Variants in CTNNA3 observed in about 807,000 individuals in gnomAD.
The protein encoded by CTNNA3 is catenin alpha-3.
A neutral mutation model predicts 95.7 loss-of-function variants in CTNNA3; 76 were observed. The ratio of observed to expected loss-of-function variants is 0.79; its 90% confidence interval spans 0.66 to 0.96. The LOEUF (loss-of-function observed/expected upper bound fraction) is 0.96, where lower values mean the gene tolerates loss of function less well. CTNNA3 is among the 40% of genes least tolerant of loss of function. The pLI is 0.00. For missense variants in CTNNA3, 1,191 were observed against 1,089.8 expected (o/e 1.09, Z -1.31); for synonymous variants, 431 against 374.4 (o/e 1.15, Z -1.74).
At chr10:67,728,640 T>G (rs1174051677) in intron 1 of CTNNA3, among the ~76,000 whole-genome samples, 1 of 151,864 alleles carries the variant, frequency 6.6e-6, no homozygotes, top group African/African-American at 2.4e-5. Flanking sequence ...CACTTAATTA[T>G]TATGTATATG....
At chr10:66,196,547 C>A (rs1309646990) in intron 13 of CTNNA3, among the ~76,000 whole-genome samples, 2 of 152,122 alleles carry the variant, frequency 1.3e-5, no homozygotes, top group African/African-American at 4.8e-5. Flanking sequence ...TGTCTTCTTC[C>A]CTCCCTTACT....
chr10:67,630,725 G>A (rs1192778088), intron 2 of CTNNA3, among the ~76,000 whole-genome samples: 1 of 152,090 alleles, frequency 6.6e-6, no homozygotes, highest in East Asian at 1.9e-4. Flanking sequence ...GTTTATTACT[G>A]TTCTTCTAAC....
intron 1 of CTNNA3, among the ~76,000 whole-genome samples, chr10:67,720,199 C>G (rs1267992271): frequency 7.7e-6 from 1 of 130,184 alleles, no homozygotes; most frequent in African/African-American, 2.9e-5. Flanking sequence ...TTATTTTGAG[C>G]CTATGTGTGT....
intron 11 of CTNNA3, among the ~76,000 whole-genome samples, chr10:66,448,552 T>C (rs1185521275): frequency 1.3e-5 from 2 of 152,008 alleles, no homozygotes; most frequent in East Asian, 3.9e-4. Context: ...CTGGAAACCA[T>C]CATTCTCAGC....
At chr10:66,815,618 C>CT (rs1842047131) in intron 7 of CTNNA3, among the ~76,000 whole-genome samples, 1 of 152,038 alleles carries the variant, frequency 6.6e-6, no homozygotes, top group Admixed American at 6.6e-5. Context: ...CCTAGGTATA[C>CT]CATCTTTGTT....
chr10:67,033,642 A>G (rs989308099), intron 7 of CTNNA3, among the ~76,000 whole-genome samples: 2 of 152,236 alleles, frequency 1.3e-5, no homozygotes, highest in Non-Finnish European at 2.9e-5. Context: ...CTATGAAGTT[A>G]GTACTATTAT....
intron 13 of CTNNA3, among the ~76,000 whole-genome samples, chr10:66,126,415 T>C (rs1482296781): frequency 1.3e-5 from 2 of 152,218 alleles, no homozygotes; most frequent in African/African-American, 2.4e-5. Flanking sequence ...TTTATGGACA[T>C]GTGGATTTAC....
At chr10:67,205,411 T>G (rs1863851102) in intron 6 of CTNNA3, among the ~76,000 whole-genome samples, 1 of 152,164 alleles carries the variant, frequency 6.6e-6, no homozygotes. Flanking sequence ...TTTATTTAGT[T>G]CTTATTTACC....
At chr10:67,627,678 G>A (rs1839004141) in intron 2 of CTNNA3, among the ~76,000 whole-genome samples, 1 of 152,132 alleles carries the variant, frequency 6.6e-6, no homozygotes, top group Non-Finnish European at 1.5e-5. Context: ...ATATGGCATA[G>A]AAAAGCTAAA....
intron 7 of CTNNA3, among the ~76,000 whole-genome samples, chr10:66,895,561 G>A (rs149772424): frequency 6.6e-6 from 1 of 151,992 alleles, no homozygotes; most frequent in African/African-American, 2.4e-5. Context: ...AGAGAGACAT[G>A]GTATGCTATT....
chr10:66,654,372 T>C (rs1846006139), intron 9 of CTNNA3, among the ~76,000 whole-genome samples: 3 of 152,014 alleles, frequency 2.0e-5, no homozygotes, highest in African/African-American at 7.2e-5. Flanking sequence ...TCACTAACCA[T>C]TAAGGAAATG....
intron 13 of CTNNA3, among the ~76,000 whole-genome samples, chr10:66,108,114 C>T (rs199653142): frequency 2.6e-4 from 40 of 151,872 alleles, no homozygotes; most frequent in Admixed American, 1.8e-3. Flanking sequence ...GAGGTAGTAA[C>T]GTAGGATGAT....
At chr10:67,680,062 T>C (rs776339285) in intron 1 of CTNNA3, among the ~76,000 whole-genome samples, 7 of 152,184 alleles carry the variant, frequency 4.6e-5, no homozygotes, top group Non-Finnish European at 8.8e-5. Context: ...AAAAAATATA[T>C]AGAATCTAAT....
chr10:66,613,083 T>G (rs1330262354), intron 10 of CTNNA3, among the ~76,000 whole-genome samples: 2 of 152,114 alleles, frequency 1.3e-5, no homozygotes, highest in African/African-American at 4.8e-5. Flanking sequence ...ACACCATGAT[T>G]ATAAATGAGG....
chr10:67,175,613 G>A (rs1862203014), intron 7 of CTNNA3, among the ~76,000 whole-genome samples: 1 of 152,132 alleles, frequency 6.6e-6, no homozygotes, highest in Admixed American at 6.5e-5. Flanking sequence ...ATTAGTTCCT[G>A]CATGGAGCTC....
At chr10:66,508,208 C>CTGTTTTTTTTTTTTTTTTTTTTTT (rs1564498977) in intron 11 of CTNNA3, among the ~76,000 whole-genome samples, 2 of 87,536 alleles carry the variant, frequency 2.3e-5, no homozygotes, top group Non-Finnish European at 4.6e-5. Context: ...GTTTTGTTTT[C>CTGTTTTTTTTTTTTTTTTTTTTTT]TGTTTTTTTT....
intron 12 of CTNNA3, among the ~76,000 whole-genome samples, chr10:66,346,097 G>T (rs1589120405): frequency 8.0e-6 from 1 of 124,428 alleles, no homozygotes; most frequent in Non-Finnish European, 1.7e-5. Flanking sequence ...AAAAAAAAAA[G>T]AATATTTAGT....
chr10:66,369,494 G>A (rs948126619), intron 12 of CTNNA3, among the ~76,000 whole-genome samples: 1 of 151,972 alleles, frequency 6.6e-6, no homozygotes, highest in African/African-American at 2.4e-5. Flanking sequence ...ATGATATCTA[G>A]TGTTTACAGT....
At chr10:66,120,930 C>T (rs2082546401) in intron 13 of CTNNA3, among the ~76,000 whole-genome samples, 2 of 152,160 alleles carry the variant, frequency 1.3e-5, no homozygotes, top group African/African-American at 4.8e-5. Flanking sequence ...TCCCCTAATG[C>T]ACATGGAAGT....
Sources: allele counts gnomAD v4.1 joint callset (sites outside exome capture counted in the v4.1 genomes callset), GRCh38; gene constraint gnomAD v4.1.1; transcripts MANE v1.5; gene names NCBI Gene and HGNC (gene_info 2026-07-23, HGNC 2026-07-21).